Variants in TAF3 observed in about 807,000 individuals in gnomAD.
TAF3 encodes the protein transcription initiation factor TFIID subunit 3.
Under a neutral mutation model 80.6 loss-of-function variants are expected in TAF3, and 7 were observed. The observed-to-expected ratio is 0.09, with a 90% CI of 0.05 to 0.16. The LOEUF is 0.16. Among genes scored for constraint, TAF3 ranks in the 10% least tolerant of loss-of-function variants. The pLI is 1.00. For missense variants in TAF3, 921 were observed against 1,140.2 expected, an observed-to-expected ratio of 0.81 and a Z score of 2.77; for synonymous variants, 444 against 446.1, an observed-to-expected ratio of 1.00 and a Z score of 0.06.
chr10:7,972,707 T>A (rs1003955736), intron 3 of TAF3, among the ~76,000 whole-genome samples: 4 of 152,216 alleles, frequency 2.6e-5, no homozygotes, highest in Non-Finnish European at 4.4e-5. Context: ...TTATTTAGGG[T>A]TTTTTTATAG....
At chr10:7,828,109 C>G (rs947616205) in intron 2 of TAF3, among the ~76,000 whole-genome samples, 3 of 152,136 alleles carry the variant, frequency 2.0e-5, no homozygotes, top group Non-Finnish European at 2.9e-5. Context: ...GTGGCACACC[C>G]ATAGTCCTAG....
chr10:7,964,746 A>G lies in TAF3; in HGVS notation c.1236A>G (p.Gly412=), dbSNP rs1315511393. The change falls in exon 3 of 7, where the codon GGA becomes GGG. Residue 412 remains glycine, a synonymous_variant. Transcript: ENST00000344293. This position sits in a 1 kb window ranked among gnomAD's most constrained non-coding sequence, Gnocchi z 4.1. The part of the protein sequence containing the change: ...REPDPFEFSS[G]SESEGDIFTS... Reference sequence around the variant, plus strand: ...CAGATCCTTTCGAATTTTCTTCTGGATCGGAATCTGAAGGAGACATTTTTA... The same window carrying G: ...CAGATCCTTTCGAATTTTCTTCTGGGTCGGAATCTGAAGGAGACATTTTTA... 2.5e-6 allele frequency: 4 copies of G among 1,614,036 alleles called. No individual in the cohort carries two copies. The highest frequency in any genetic ancestry group is 2.7e-5 in the African/African-American group (2 of 74,908).
rs58825999 is a variant in TAF3, at chr10:7,988,572, CAAAAAAAAAAA to C, written c.2315+11268_2315+11278del. 8.5e-4 allele frequency among the ~76,000 whole-genome samples: 42 copies of C among 49,282 alleles called. No individual in the cohort carries two copies. The East Asian group carries it at 0.016, about 19-fold the overall frequency. 32.3% of individuals were successfully genotyped at this position (49,282 alleles called of 152,430 possible). On this transcript the variant is annotated intron_variant, in intron 4 of 6. Coordinates refer to ENST00000344293, the MANE Select transcript of TAF3 (RefSeq NM_031923.4). ...TGGGCAACAGAGTGAGACCCTGTCT[CAAAAAAAAAAA>C]AAAAAAAAAAAAAAAAAAGAAGCCA...
At chr10:8,011,089 G>A (rs1832050637) in intron 5 of TAF3, among the ~76,000 whole-genome samples, 2 of 152,134 alleles carry the variant, frequency 1.3e-5, no homozygotes, top group South Asian at 2.1e-4. Flanking sequence ...GGTGTGTGGA[G>A]CCATTGCCAT....
intron 2 of TAF3, among the ~76,000 whole-genome samples, chr10:7,954,350 A>C (rs1468965563): frequency 7.6e-6 from 1 of 132,198 alleles, no homozygotes; most frequent in African/African-American, 2.6e-5. Context: ...TCTAGTTAAC[A>C]CAGAGCTCTC....
chr10:7,875,582 T>TA (rs1295991082), intron 2 of TAF3, among the ~76,000 whole-genome samples: 1 of 152,202 alleles, frequency 6.6e-6, no homozygotes, highest in Admixed American at 6.5e-5. Flanking sequence ...AGTTGAAAAG[T>TA]AGCATGAAAG....
At chr10:8,002,337 A>G (rs1315234117) in intron 4 of TAF3, among the ~76,000 whole-genome samples, 1 of 152,194 alleles carries the variant, frequency 6.6e-6, no homozygotes, top group Middle Eastern at 3.2e-3. Flanking sequence ...ATCGTAAAGC[A>G]TATTATTATG....
At chr10:7,921,100 T>C (rs1415619760) in intron 2 of TAF3, among the ~76,000 whole-genome samples, 1 of 152,032 alleles carries the variant, frequency 6.6e-6, no homozygotes, top group Non-Finnish European at 1.5e-5. Flanking sequence ...TTTTAAGGTT[T>C]TTTTTTTACT....
chr10:7,977,322 A>G lies in TAF3; in HGVS notation c.2314A>G (p.Ile772Val). 6.2e-7 allele frequency: 1 copy of G among 1,614,092 alleles called. No homozygotes were observed. Among genetic ancestry groups the G allele is most frequent in the Non-Finnish European group, 8.5e-7 (1 of 1,179,996 alleles). Residue 772 changes from isoleucine to valine, a missense_variant and splice_region_variant, in exon 4 of 7, where the codon ATT becomes GTT. Physicochemically the swap from Ile to Val is conservative, Grantham distance 29. Around this residue, in one of 6 missense-constraint regions of TAF3, gnomAD observed 743 missense variants for 821.0 expected, o/e 0.90. Transcript: ENST00000344293. Reference protein sequence around the residue: ...TLRVGAGQDKIVISKVVPAPE... With the variant: ...TLRVGAGQDKVVISKVVPAPE... ...CCGAGTCGGTGCTGGCCAAGACAAG[A>G]TGTAAGTATAAACGTTTTGAATCAG...
chr10:7,969,425 G>T (rs1831601780), intron 3 of TAF3, among the ~76,000 whole-genome samples: 1 of 152,028 alleles, frequency 6.6e-6, no homozygotes, highest in East Asian at 1.9e-4. Context: ...GTCACATTTG[G>T]GATTAAGTAC....
intron 2 of TAF3, among the ~76,000 whole-genome samples, chr10:7,858,827 T>C (rs1244493): frequency 0.44 from 65,630 of 149,092 alleles, 14,451 homozygotes; most frequent in South Asian, 0.63. Context: ...TGTGTGTGTG[T>C]GCGCGCGCCT....
At chr10:7,914,493 C>A (rs1371258842) in intron 2 of TAF3, among the ~76,000 whole-genome samples, 1 of 152,204 alleles carries the variant, frequency 6.6e-6, no homozygotes, top group African/African-American at 2.4e-5. Context: ...AGGACAGGAG[C>A]CATCCCTAGT....
chr10:7,890,990 T>C (rs908812842), intron 2 of TAF3, among the ~76,000 whole-genome samples: 1 of 152,252 alleles, frequency 6.6e-6, no homozygotes, highest in Non-Finnish European at 1.5e-5. Flanking sequence ...AGCATGTAGC[T>C]GAACTTGCGG....
chr10:7,955,631 T>C (rs1838127589), intron 2 of TAF3, among the ~76,000 whole-genome samples: 2 of 152,226 alleles, frequency 1.3e-5, no homozygotes, highest in South Asian at 4.1e-4. Flanking sequence ...TTTTAGATTA[T>C]AGTGTTTCTT....
intron 2 of TAF3, among the ~76,000 whole-genome samples, chr10:7,870,035 A>G (rs953825362): frequency 1.3e-5 from 2 of 152,200 alleles, no homozygotes; most frequent in South Asian, 4.1e-4. Context: ...CTTTAAAAAA[A>G]TTAGATAATT....
At chr10:7,967,850 T>C (rs116607642) in intron 3 of TAF3, among the ~76,000 whole-genome samples, 2 of 152,214 alleles carry the variant, frequency 1.3e-5, no homozygotes, top group African/African-American at 2.4e-5. Flanking sequence ...AGGTCAGCTA[T>C]TAATAGGTTT....
chr10:7,827,993 G>A lies in TAF3; in HGVS notation c.409+3433G>A, dbSNP rs574280439. On this transcript the variant is annotated intron_variant, in intron 2 of 6. Coordinates refer to ENST00000344293, the MANE Select transcript of TAF3 (RefSeq NM_031923.4). ...CACATGACAGCGAATATTAGTTCTC[G>A]TCCCCTTTTTCTTTTCTTGCTCTTA... Among the ~76,000 whole-genome samples, 11 of 152,142 alleles carry A rather than the reference G, an allele frequency of 7.2e-5. No homozygotes were observed. The South Asian group carries it at 8.3e-4, about 11-fold the overall frequency.
intron 2 of TAF3, among the ~76,000 whole-genome samples, chr10:7,929,162 G>A (rs1025886173): frequency 6.6e-6 from 1 of 151,856 alleles, no homozygotes; most frequent in Non-Finnish European, 1.5e-5. Context: ...TACAAAGACA[G>A]GTCTTCAACT....
Position 8,009,228 on chromosome 10 carries a change from C to A in TAF3, c.2466C>A (p.Ala822=). 6.8e-7 allele frequency: 1 copy of A among 1,472,412 alleles called. No homozygotes were observed. The allele number at this position is 1,472,412 out of a possible 1,614,324, so 91.2% of individuals were successfully genotyped here. Reference sequence around the variant, plus strand: ...CGCTGCCGCTGCTCGCCCAGGCCGCCGCGGGCCCTGCCCTGCTGCCCTCCC... The same window carrying A: ...CGCTGCCGCTGCTCGCCCAGGCCGCAGCGGGCCCTGCCCTGCTGCCCTCCC... ...PVPLPLLAQA[A]AGPALLPSPG... is the part of the protein sequence containing the mutation. Residue 822 remains alanine, a synonymous_variant, in exon 5 of 7, where the codon GCC becomes GCA. Coordinates refer to ENST00000344293, the MANE Select transcript of TAF3 (RefSeq NM_031923.4). This position sits in a 1 kb window ranked among gnomAD's most constrained non-coding sequence, Gnocchi z 4.1.
Sources: allele counts gnomAD v4.1 joint callset (sites outside exome capture counted in the v4.1 genomes callset), GRCh38; gene constraint gnomAD v4.1.1; regional missense constraint gnomAD v4.1.1; non-coding constraint Gnocchi (gnomAD v3.1); transcripts MANE v1.5; gene names NCBI Gene and HGNC (gene_info 2026-07-23, HGNC 2026-07-21).